Variants in DCDC1 observed in about 807,000 individuals in gnomAD.
DCDC1 encodes the protein doublecortin domain-containing protein 1.
In DCDC1, 200 loss-of-function variants were observed where a neutral mutation model predicts 178.3. The ratio of observed to expected loss-of-function variants is 1.12; its 90% CI spans 1.00 to 1.26. The LOEUF (loss-of-function observed/expected upper bound fraction) is 1.26. Among genes scored for constraint, DCDC1 ranks in the 50% most tolerant of loss-of-function variants. The pLI is 0.00. For synonymous variants in DCDC1, 690 were observed against 604.8 expected (o/e 1.14, Z -2.07); for missense variants, 1,983 against 1,749.2 (o/e 1.13, Z -2.38).
At chr11:31,311,228 T>C (rs1037659491) in intron 3 of DCDC1, among the ~76,000 whole-genome samples, 1 of 152,178 alleles carries the variant, frequency 6.6e-6, no homozygotes, top group Admixed American at 6.5e-5. Context: ...GGCAACCTCA[T>C]GCTACTGGCA....
intron 9 of DCDC1, among the ~76,000 whole-genome samples, chr11:31,214,808 T>C (rs1359187058): frequency 6.6e-6 from 1 of 152,066 alleles, no homozygotes; most frequent in African/African-American, 2.4e-5. Flanking sequence ...TGTTCTATAA[T>C]ACAGATAAAT....
intron 36 of DCDC1, among the ~76,000 whole-genome samples, chr11:30,888,173 A>G (rs1298090752): frequency 6.6e-6 from 1 of 150,644 alleles, no homozygotes; most frequent in African/African-American, 2.5e-5. Flanking sequence ...GGAAAGAAAG[A>G]AAGAGAAAGG....
chr11:31,335,999 T>C (rs2133169156), intron 1 of DCDC1, among the ~76,000 whole-genome samples: 1 of 152,366 alleles, frequency 6.6e-6, no homozygotes, highest in East Asian at 1.9e-4. Context: ...TCGTTGACAT[T>C]GTTCTAGGCA....
chr11:30,893,393 C>A (rs1943949979), intron 35 of DCDC1, among the ~76,000 whole-genome samples: 1 of 152,142 alleles, frequency 6.6e-6, no homozygotes, highest in Non-Finnish European at 1.5e-5. Context: ...CCAAGAAATG[C>A]AGACAAGAGT....
chr11:31,246,069 A>T (rs1251395134), intron 8 of DCDC1, among the ~76,000 whole-genome samples: 1 of 151,904 alleles, frequency 6.6e-6, no homozygotes, highest in Non-Finnish European at 1.5e-5. Flanking sequence ...CAAAAGCAAC[A>T]TCCTACATTG....
chr11:31,114,016 G>A (rs1025103249), intron 11 of DCDC1, among the ~76,000 whole-genome samples: 10 of 152,102 alleles, frequency 6.6e-5, no homozygotes, highest in African/African-American at 2.4e-4. Flanking sequence ...AGGCACTCTA[G>A]TGCACCAATC....
chr11:31,029,798 T>C (rs1348711449), intron 20 of DCDC1, among the ~76,000 whole-genome samples: 4 of 152,156 alleles, frequency 2.6e-5, no homozygotes, highest in Admixed American at 2.6e-4. Context: ...TGAGGTTTTG[T>C]CTTATATATT....
chr11:30,945,742 ATCTATCTG>A (rs59885195), intron 21 of DCDC1, among the ~76,000 whole-genome samples: 4,625 of 129,860 alleles, frequency 0.036, 204 homozygotes, highest in African/African-American at 0.13. Flanking sequence ...CTATCTATCT[ATCTATCTG>A]TCTGTCTGTC....
intron 9 of DCDC1, among the ~76,000 whole-genome samples, chr11:31,199,176 A>C (rs1326040552): frequency 6.6e-6 from 1 of 152,056 alleles, no homozygotes; most frequent in African/African-American, 2.4e-5. Context: ...GCAATCAGGG[A>C]CTAAACCATA....
intron 9 of DCDC1, among the ~76,000 whole-genome samples, chr11:31,225,227 G>T (rs1290633674): frequency 6.6e-6 from 1 of 152,080 alleles, no homozygotes; most frequent in African/African-American, 2.4e-5. Context: ...GAATGGAGCT[G>T]GAGGTCATTA....
chr11:31,118,091 GC>G (rs1442776798), intron 11 of DCDC1, among the ~76,000 whole-genome samples: 1 of 151,928 alleles, frequency 6.6e-6, no homozygotes, highest in African/African-American at 2.4e-5. Flanking sequence ...ATAGTCATGT[GC>G]CCCTCAAATT....
At chr11:31,216,767 G>T (rs1053457177) in intron 9 of DCDC1, among the ~76,000 whole-genome samples, 9 of 152,176 alleles carry the variant, frequency 5.9e-5, no homozygotes, top group Admixed American at 1.3e-4. Context: ...ATGGTCTGTG[G>T]CCTTCAATTT....
chr11:30,976,851 G>T (rs571880423), intron 20 of DCDC1, among the ~76,000 whole-genome samples: 6 of 152,174 alleles, frequency 3.9e-5, no homozygotes, highest in African/African-American at 1.4e-4. Flanking sequence ...CAAAGGAAAA[G>T]AAATCAGTAT....
intron 20 of DCDC1, among the ~76,000 whole-genome samples, chr11:31,043,855 T>C (rs1221851149): frequency 6.6e-6 from 1 of 151,610 alleles, no homozygotes; most frequent in Non-Finnish European, 1.5e-5. Context: ...AAGTGCTATA[T>C]TTTATGTTTT....
chr11:31,115,986 G>T (rs1027524755), intron 11 of DCDC1, among the ~76,000 whole-genome samples: 1 of 136,220 alleles, frequency 7.3e-6, no homozygotes, highest in African/African-American at 2.6e-5. Flanking sequence ...GGCAGTGGGG[G>T]GGGGGGGGAT....
chr11:31,254,751 T>C (rs763703052), intron 8 of DCDC1, among the ~76,000 whole-genome samples: 5 of 152,128 alleles, frequency 3.3e-5, no homozygotes, highest in Non-Finnish European at 5.9e-5. Context: ...GTGGGGCAAA[T>C]TGGTTCTGCT....
chr11:30,919,045 T>G (rs1946057520), intron 25 of DCDC1, among the ~76,000 whole-genome samples: 1 of 152,122 alleles, frequency 6.6e-6, no homozygotes, highest in Non-Finnish European at 1.5e-5. Flanking sequence ...ACAAGCACAT[T>G]TAAGAAAGTC....
At chr11:31,080,989 T>C (rs1565257643) in intron 17 of DCDC1, among the ~76,000 whole-genome samples, 1 of 152,188 alleles carries the variant, frequency 6.6e-6, no homozygotes, top group African/African-American at 2.4e-5. Context: ...GATGATGAAT[T>C]ATGCTGATTT....
intron 11 of DCDC1, among the ~76,000 whole-genome samples, chr11:31,114,956 C>T (rs1959656640): frequency 6.6e-6 from 1 of 152,008 alleles, no homozygotes. Context: ...CAGAGTTATG[C>T]TATTTGCTTC....
Sources: allele counts gnomAD v4.1 joint callset (sites outside exome capture counted in the v4.1 genomes callset), GRCh38; gene constraint gnomAD v4.1.1; transcripts MANE v1.5; gene names NCBI Gene and HGNC (gene_info 2026-07-23, HGNC 2026-07-21).